The following NFAT5 variants were observed in gnomAD, a reference collection of about 807,000 sequenced individuals.
The protein encoded by NFAT5 is nuclear factor of activated T-cells 5.
In NFAT5, 31 loss-of-function variants were observed where a neutral mutation model predicts 166.5. That is an observed-to-expected ratio of 0.19 (90% CI 0.14 to 0.25). The LOEUF is 0.25. Ranked by LOEUF, NFAT5 falls within the 10% of genes least tolerant of loss-of-function variation. NFAT5 has a pLI of 1.00. For synonymous variants in NFAT5, 612 were observed against 639.7 expected (o/e 0.96, Z 0.65); for missense variants, 1,449 against 1,821.8 (o/e 0.80, Z 3.72).
At chr16:69,594,137 T>C (rs2032645765) in intron 2 of NFAT5, among the ~76,000 whole-genome samples, 1 of 152,184 alleles carries the variant, frequency 6.6e-6, no homozygotes. Context: ...TATGATGGGG[T>C]ATGTTCTGAG....
chr16:69,674,841 G>A (rs2036768745), intron 9 of NFAT5, among the ~76,000 whole-genome samples: 1 of 152,176 alleles, frequency 6.6e-6, no homozygotes, highest in South Asian at 2.1e-4. Flanking sequence ...TAGGGAAAAA[G>A]TTATTTGAAT....
intron 3 of NFAT5, among the ~76,000 whole-genome samples, chr16:69,646,322 C>T (rs1221301096): frequency 6.6e-6 from 1 of 152,178 alleles, no homozygotes; most frequent in African/African-American, 2.4e-5. Flanking sequence ...TTCTACAACC[C>T]AGAATGTTCC....
intron 2 of NFAT5, among the ~76,000 whole-genome samples, chr16:69,587,731 A>G (rs751474044): frequency 6.6e-6 from 1 of 152,036 alleles, no homozygotes; most frequent in Non-Finnish European, 1.5e-5. Context: ...AGCATTTTCT[A>G]TTTGAAAGAA....
intron 2 of NFAT5, among the ~76,000 whole-genome samples, chr16:69,578,263 C>G (rs1248585279): frequency 6.6e-6 from 1 of 152,118 alleles, no homozygotes; most frequent in Admixed American, 6.6e-5. Context: ...CGACTGTACT[C>G]CGATATATAG....
intron 3 of NFAT5, among the ~76,000 whole-genome samples, chr16:69,634,843 G>A (rs1289880635): frequency 2.0e-5 from 3 of 151,882 alleles, no homozygotes; most frequent in African/African-American, 7.3e-5. Flanking sequence ...TGGACTCTTG[G>A]GAAAGTTAAA....
chr16:69,580,913 C>T (rs2142928722), intron 2 of NFAT5, among the ~76,000 whole-genome samples: 1 of 152,278 alleles, frequency 6.6e-6, no homozygotes. Context: ...CCTCGGCCTC[C>T]CGGAGAGCTG....
At chr16:69,658,663 A>T (rs1170451982) in intron 6 of NFAT5, among the ~76,000 whole-genome samples, 1 of 151,420 alleles carries the variant, frequency 6.6e-6, no homozygotes, top group Non-Finnish European at 1.5e-5. Flanking sequence ...CTCCGACTGT[A>T]CTAAAAATAC....
intron 7 of NFAT5, 26 bp from the exon 8 acceptor site, chr16:69,669,951 T>C (rs779142390): frequency 6.5e-7 from 1 of 1,533,606 alleles, no homozygotes; most frequent in African/African-American, 1.4e-5. Context: ...TGGTTCTTCT[T>C]ATAGAATGCT....
At chr16:69,648,849 A>G (rs1324284582) in intron 4 of NFAT5, 1 of 927,294 alleles carries the variant, frequency 1.1e-6, no homozygotes, top group East Asian at 1.2e-4. Context: ...TCAGTTGAAT[A>G]TTATAGAGAA....
chr16:69,646,643 T>G (rs2035449284), intron 3 of NFAT5: 1 of 568,020 alleles, frequency 1.8e-6, no homozygotes, highest in South Asian at 2.5e-5. Context: ...CTATAATGAA[T>G]TATTTAATTG....
rs550897700 is a variant in NFAT5 at position 69,574,927 on chromosome 16, C to T, written c.127+6379C>T. Among the ~76,000 whole-genome samples the T allele has an allele frequency of 1.8e-4, 28 of 152,278 alleles. 1 individual carries two copies. The highest frequency in any genetic ancestry group is 1.8e-3 in the Admixed American group (27 of 15,300). On this transcript the variant is annotated intron_variant, in intron 2 of 14. Transcript: ENST00000349945. ...CCTCGGGTGATCTGCCTCCCTCAGC[C>T]TCCCAAACTGCTGGGATTACAGGCA...
chr16:69,637,685 C>A (rs2151602363), intron 3 of NFAT5, among the ~76,000 whole-genome samples: 1 of 152,266 alleles, frequency 6.6e-6, no homozygotes, highest in African/African-American at 2.4e-5. Flanking sequence ...ATACCACCTC[C>A]TGGGTCCATC....
At chr16:69,678,090 A>G (rs2036904940) in intron 10 of NFAT5, among the ~76,000 whole-genome samples, 1 of 151,834 alleles carries the variant, frequency 6.6e-6, no homozygotes, top group Non-Finnish European at 1.5e-5. Context: ...CCTGGGAGGT[A>G]CAGGTTGCAG....
chr16:69,653,687 C>T (rs1045811890), intron 5 of NFAT5, among the ~76,000 whole-genome samples: 1 of 151,720 alleles, frequency 6.6e-6, no homozygotes. Context: ...GTAATCATGC[C>T]TCAGCCACCT....
rs762834485 is a variant in NFAT5, at chr16:69,677,316, C to CACT, written c.1672_1674dup (p.Thr558dup). 6.2e-7 allele frequency: 1 copy of CACT among 1,606,022 alleles called. No individual in the cohort carries two copies. The highest frequency in any genetic ancestry group is 1.7e-5 in the Admixed American group (1 of 58,238). On this transcript the variant is annotated inframe_insertion, in exon 10 of 15. Coordinates refer to ENST00000349945, the MANE Select transcript of NFAT5 (RefSeq NM_138713.4). ...GAAGATCTCATGATGTTCAACCATTCACTTACACTCCAGACCCAGGTATGT... is the reference window on the plus strand; with the variant it reads ...GAAGATCTCATGATGTTCAACCATTCACTACTTACACTCCAGACCCAGGTATGT...
chr16:69,578,071 G>A (rs1032977980), intron 2 of NFAT5, among the ~76,000 whole-genome samples: 3 of 152,198 alleles, frequency 2.0e-5, no homozygotes, highest in Non-Finnish European at 4.4e-5. Context: ...GTGATGCAGT[G>A]TAACAGCTAT....
intron 2 of NFAT5, among the ~76,000 whole-genome samples, chr16:69,606,520 G>T (rs894160928): frequency 1.3e-5 from 2 of 152,018 alleles, no homozygotes; most frequent in African/African-American, 4.8e-5. Flanking sequence ...GAACACTTCT[G>T]CAGTCCAAGT....
chr16:69,587,911 T>A (rs1408455836), intron 2 of NFAT5, among the ~76,000 whole-genome samples: 1 of 150,036 alleles, frequency 6.7e-6, no homozygotes, highest in Non-Finnish European at 1.5e-5. Flanking sequence ...ATTTTAGGTA[T>A]AAATTAGGCA....
intron 10 of NFAT5, among the ~76,000 whole-genome samples, chr16:69,680,525 A>G (rs1045033118): frequency 4.6e-5 from 7 of 152,190 alleles, no homozygotes; most frequent in East Asian, 3.9e-4. Flanking sequence ...TTCAAAGGCT[A>G]TACTAATTGC....
Sources: gnomAD v4.1 joint callset for allele counts (sites outside exome capture counted in the v4.1 genomes callset) on GRCh38, gnomAD v4.1.1 for gene constraint, MANE v1.5 for transcripts, NCBI Gene and HGNC (gene_info 2026-07-23, HGNC 2026-07-21) for gene names.